SACS: variants seen among roughly 807,000 people sequenced by gnomAD.
The protein encoded by SACS is sacsin molecular chaperone.
In SACS, 197 loss-of-function variants were observed where a neutral mutation model predicts 348.0. That is an observed-to-expected ratio of 0.57 (90% CI 0.50 to 0.64). SACS has a LOEUF of 0.64. Ranked by LOEUF, SACS falls within the 30% of genes least tolerant of loss-of-function variation. The pLI is 0.00. For synonymous variants in SACS, 1,985 were observed against 1,910.6 expected, an observed-to-expected ratio of 1.04 and a Z score of -1.02; for missense variants, 4,999 against 5,360.8, an observed-to-expected ratio of 0.93 and a Z score of 2.11.
chr13:23,347,361 G>A (rs1239812492), intron 9 of SACS, among the ~76,000 whole-genome samples: 2 of 151,980 alleles, frequency 1.3e-5, no homozygotes, highest in Admixed American at 6.6e-5. Flanking sequence ...TCTAAGAATT[G>A]TTCCACGAAC....
chr13:23,411,842 C>A (rs921082126), intron 1 of SACS, 102 bp from the exon 2 acceptor site: 2 of 153,272 alleles, frequency 1.3e-5, no homozygotes, highest in Non-Finnish European at 2.9e-5. Context: ...CCATGGTACT[C>A]AGCTCCAGTG....
chr13:23,370,493 T>C lies in SACS; in HGVS notation c.259+585A>G, dbSNP rs148387895. 3.3e-3 allele frequency among the ~76,000 whole-genome samples: 503 copies of C among 152,322 alleles called. 1 individual carries two copies. Among genetic ancestry groups the C allele is most frequent in the Non-Finnish European group, 5.3e-3 (361 of 68,018 alleles). ...TAATATCAGATCTACCCTACCCACT[T>C]AGTAAGTTTTTAAGAATACAACACA... is the stretch of plus-strand genomic sequence containing the variant. On this transcript the variant is annotated intron_variant, in intron 4 of 9. Coordinates refer to ENST00000382292, the MANE Select transcript of SACS (RefSeq NM_014363.6).
rs1871673007 is a variant in SACS at position 23,375,185 on chromosome 13, C to T, written c.105G>A (p.Lys35=). The change falls in exon 3 of 10, where the codon AAG becomes AAA. Residue 35 remains lysine, a synonymous_variant. Coordinates refer to ENST00000382292, the MANE Select transcript of SACS (RefSeq NM_014363.6). The part of the protein sequence containing the change: ...ALASWTVRDV[K]ERIFAETGFP... ...AGCCAGTCTCCGCGAAGATACGTTC[C>T]TTCACATCGCGCACGGTCCAGGACG... 1.3e-6 allele frequency: 2 copies of T among 1,506,470 alleles called. No homozygotes were observed. The highest frequency in any genetic ancestry group is 8.9e-7 in the Non-Finnish European group (1 of 1,127,784). 93.3% of individuals were successfully genotyped at this position (1,506,470 alleles called of 1,614,324 possible). A position where few individuals can be genotyped will look rare whatever the true frequency, so the allele number is the denominator to read the frequency against.
In SACS at chr13:23,332,166, C is replaced by G; in HGVS notation, c.11710G>C (p.Asp3904His). ...KVRSDLENVR[D>H]LALYLPSQDG... The stretch of plus-strand genomic sequence containing the variant: ...TGGCTTGGGAGGTAAAGCGCAAGGT[C>G]TCGTACATTCTCGAGATCACTCCTC... Residue 3904 changes from aspartate (D) to histidine (H), a missense_variant, in exon 10 of 10, where the codon GAC becomes CAC. This residue lies in a region of SACS where 831 missense variants were observed against 941.8 expected (regional missense o/e 0.88). Transcript: ENST00000382292. 5.0e-6 allele frequency: 8 copies of G among 1,614,018 alleles called. No individual in the cohort carries two copies. Among genetic ancestry groups the G allele is most frequent in the Non-Finnish European group, 6.8e-6 (8 of 1,179,944 alleles).
chr13:23,378,261 C>T (rs1871894788), intron 2 of SACS, among the ~76,000 whole-genome samples: 1 of 152,138 alleles, frequency 6.6e-6, no homozygotes, highest in Non-Finnish European at 1.5e-5. Flanking sequence ...GAAAATTAAC[C>T]AGTGAGGGCT....
intron 6 of SACS, among the ~76,000 whole-genome samples, chr13:23,363,547 A>G (rs751084926): frequency 6.6e-6 from 1 of 152,190 alleles, no homozygotes; most frequent in African/African-American, 2.4e-5. Flanking sequence ...TAAATTGGCC[A>G]CTTTTAAAGA....
intron 9 of SACS, among the ~76,000 whole-genome samples, chr13:23,346,107 T>C (rs1487833933): frequency 6.6e-6 from 1 of 152,124 alleles, no homozygotes; most frequent in Non-Finnish European, 1.5e-5. Context: ...CAGTCACAGA[T>C]CCCAGAATCT....
chr13:23,356,837 G>C (rs142822067), intron 7 of SACS, among the ~76,000 whole-genome samples: 1 of 152,284 alleles, frequency 6.6e-6, no homozygotes, highest in African/African-American at 2.4e-5. Flanking sequence ...AATACCTACG[G>C]TCGTCAAGCA....
At chr13:23,401,748 C>G (rs1458177826) in intron 2 of SACS, among the ~76,000 whole-genome samples, 3 of 152,202 alleles carry the variant, frequency 2.0e-5, no homozygotes, top group Non-Finnish European at 4.4e-5. Flanking sequence ...CCAGAAGCAT[C>G]TGCAATCACA....
chr13:23,432,380 A>T (rs547824155), intron 1 of SACS, among the ~76,000 whole-genome samples: 10 of 152,184 alleles, frequency 6.6e-5, no homozygotes, highest in Admixed American at 1.3e-4. Context: ...AGATCCAAGG[A>T]GAAAAGAAAG....
chr13:23,362,059 G>T (rs1870769305), intron 6 of SACS, among the ~76,000 whole-genome samples: 1 of 152,170 alleles, frequency 6.6e-6, no homozygotes, highest in Admixed American at 6.5e-5. Context: ...ATATATTTAA[G>T]AGGCATAATC....
chr13:23,423,066 CAT>C (rs1463270299), intron 1 of SACS, among the ~76,000 whole-genome samples: 1 of 152,112 alleles, frequency 6.6e-6, no homozygotes, highest in Non-Finnish European at 1.5e-5. Flanking sequence ...TATATATAAA[CAT>C]ATGAAAATCC....
Position 23,340,176 on chromosome 13 carries a change from A to C in SACS, c.3700T>G (p.Trp1234Gly). 2 of 1,612,942 alleles carry C rather than the reference A, an allele frequency of 1.2e-6. No individual in the cohort carries two copies. The highest frequency in any genetic ancestry group is 1.7e-6 in the Non-Finnish European group (2 of 1,179,328). Residue 1234 changes from tryptophan (W) to glycine (G), a missense_variant, in exon 10 of 10, where the codon TGG becomes GGG. Around this residue, in one of 6 missense-constraint regions of SACS, gnomAD observed 3,156 missense variants for 3,380.1 expected, o/e 0.93. Coordinates refer to ENST00000382292, the MANE Select transcript of SACS (RefSeq NM_014363.6). Reference protein sequence around the residue: ...VLKHFKIVVDWYSSKTFSDED... With the variant: ...VLKHFKIVVDGYSSKTFSDED... ...TCACTAAAGGTTTTTGAAGAATACC[A>C]ATCAACAACAATTTTAAAGTGTTTT... is the stretch of plus-strand genomic sequence containing the variant.
Position 23,340,821 on chromosome 13 carries a change from T to C in SACS, c.3055A>G (p.Asn1019Asp), listed in dbSNP as rs1566071225. ...TTCTCATTTTTAAGAGAAGATAGAT[T>C]CTCAAGGACCCATAACATAAGCTGT... ...VTQLMLWVLE[N>D]LSSLKNENPN... is the part of the protein sequence containing the mutation. The change falls in exon 10 of 10, where the codon AAT (asparagine) becomes GAT (aspartate). Residue 1019 changes from asparagine to aspartate, a missense_variant. Physicochemically the swap from Asn to Asp is conservative, Grantham distance 23. Transcript: ENST00000382292. 2 of 1,599,414 alleles carry C rather than the reference T, an allele frequency of 1.3e-6. No individual in the cohort carries two copies. The highest frequency in any genetic ancestry group is 2.7e-5 in the African/African-American group (2 of 74,286).
chr13:23,334,471 T>G lies in SACS; in HGVS notation c.9405A>C (p.Leu3135Phe). The change falls in exon 10 of 10, where the codon TTA becomes TTC. Residue 3135 changes from leucine (L) to phenylalanine (F), a missense_variant. Around this residue, in one of 6 missense-constraint regions of SACS, gnomAD observed 734 missense variants for 694.0 expected, o/e 1.06. Coordinates refer to ENST00000382292, the MANE Select transcript of SACS (RefSeq NM_014363.6). ...NLKLFHSLKL[L>F]VDYCFKDAEE... ...CTGCATCTTTAAAACAATAATCAAC[T>G]AAAAGTTTTAAACTATGAAAAAGTT... 1 of 1,612,694 alleles carries G rather than the reference T, an allele frequency of 6.2e-7. No individual in the cohort carries two copies. The highest frequency in any genetic ancestry group is 8.5e-7 in the Non-Finnish European group (1 of 1,179,724).
chr13:23,339,987 C>G lies in SACS; in HGVS notation c.3889G>C (p.Asp1297His), dbSNP rs1422534866. Residue 1297 changes from aspartate (D) to histidine (H), a missense_variant, in exon 10 of 10, where the codon GAT becomes CAT. This residue lies in a region of SACS where 3,156 missense variants were observed against 3,380.1 expected (regional missense o/e 0.93). Coordinates refer to ENST00000382292, the MANE Select transcript of SACS (RefSeq NM_014363.6). ...LAQAVIKPIH[D>H]LDLQPYLHNV... ...TGCAAATAAGGCTGAAGGTCAAGAT[C>G]ATGGATTGGTTTAATCACAGCCTGG... 2 of 1,613,244 alleles carry G rather than the reference C, an allele frequency of 1.2e-6. No individual in the cohort carries two copies. Among genetic ancestry groups the G allele is most frequent in the South Asian group, 2.2e-5 (2 of 90,834 alleles).
intron 1 of SACS, among the ~76,000 whole-genome samples, chr13:23,413,707 T>C (rs760268694): frequency 5.9e-5 from 9 of 152,240 alleles, no homozygotes; most frequent in East Asian, 1.9e-4. Flanking sequence ...AGTAACTTGC[T>C]ATAATTAAAA....
rs141006271 is a variant in SACS at position 23,353,830 on chromosome 13, T to C, written c.2140A>G (p.Lys714Glu). The change falls in exon 9 of 10, where the codon AAA becomes GAA. Residue 714 changes from lysine (K) to glutamate (E), a missense_variant. By Grantham distance (56) the Lys-to-Glu change is moderately conservative. Coordinates refer to ENST00000382292, the MANE Select transcript of SACS (RefSeq NM_014363.6). ...LEGRFILDNL[K>E]PHLVAALKEA... Reference sequence around the variant, plus strand: ...TTTAAAGCAGCCACAAGGTGAGGTTTCAAGTTATCCAAAATAAATCTTCCT... The same window carrying C: ...TTTAAAGCAGCCACAAGGTGAGGTTCCAAGTTATCCAAAATAAATCTTCCT... 1.4e-5 allele frequency: 23 copies of C among 1,611,586 alleles called. No homozygotes were observed. The highest frequency in any genetic ancestry group is 1.8e-5 in the Non-Finnish European group (21 of 1,177,952).
Position 23,331,518 on chromosome 13 carries a change from A to C in SACS, c.12358T>G (p.Leu4120Val), listed in dbSNP as rs760872955. ...TCATTGCATCCTAGCATAGCAATTA[A>C]ATATGAAGTGTCAGAAATCAAATTG... ...TDNLISDTSY[L>V]IAMLGCNDIY... is the part of the protein sequence containing the mutation. The change falls in exon 10 of 10, where the codon TTA (leucine) becomes GTA (valine). Residue 4120 changes from leucine (L) to valine (V), a missense_variant. Around this residue, in one of 6 missense-constraint regions of SACS, gnomAD observed 831 missense variants for 941.8 expected, o/e 0.88. Transcript: ENST00000382292. The C allele has an allele frequency of 2.5e-5, 41 of 1,613,836 alleles. No individual in the cohort carries two copies. Among genetic ancestry groups the C allele is most frequent in the Non-Finnish European group, 3.3e-5 (39 of 1,179,878 alleles).
Sources: gnomAD v4.1 joint callset for allele counts (sites outside exome capture counted in the v4.1 genomes callset) on GRCh38, gnomAD v4.1.1 for gene constraint, gnomAD v4.1.1 regional missense constraint, MANE v1.5 for transcripts, NCBI Gene and HGNC (gene_info 2026-07-23, HGNC 2026-07-21) for gene names.